AIM2: variants seen among roughly 807,000 people sequenced by gnomAD.
AIM2 encodes the protein absent in melanoma 2.
Under a neutral mutation model 27.7 loss-of-function variants are expected in AIM2, and 30 were observed. The observed-to-expected ratio is 1.08, with a 90% CI of 0.81 to 1.47. The LOEUF is 1.47. Ranked by LOEUF, AIM2 falls within the 40% of genes most tolerant of loss-of-function variation. The pLI is 0.00. For missense variants in AIM2, 358 were observed against 411.3 expected (o/e 0.87, Z 1.12); for synonymous variants, 141 against 145.3 (o/e 0.97, Z 0.21).
intron 1 of AIM2, among the ~76,000 whole-genome samples, chr1:159,099,363 C>A (rs1265948812): frequency 6.6e-6 from 1 of 152,154 alleles, no homozygotes; most frequent in African/African-American, 2.4e-5. Flanking sequence ...CAGGGAGCGG[C>A]CATAGAACTG....
At chr1:159,136,147 A>G (rs1467946862) in intron 1 of AIM2, among the ~76,000 whole-genome samples, 1 of 152,178 alleles carries the variant, frequency 6.6e-6, no homozygotes, top group African/African-American at 2.4e-5. Context: ...ACTATTTAAA[A>G]TACATTATGC....
chr1:159,129,072 A>T (rs1240029461), intron 1 of AIM2, among the ~76,000 whole-genome samples: 1 of 152,186 alleles, frequency 6.6e-6, no homozygotes, highest in Non-Finnish European at 1.5e-5. Context: ...TAATGTAAGG[A>T]TCTTGAGATG....
chr1:159,132,821 T>C (rs970781723), intron 1 of AIM2, among the ~76,000 whole-genome samples: 1 of 152,208 alleles, frequency 6.6e-6, no homozygotes, highest in Non-Finnish European at 1.5e-5. Flanking sequence ...GCCTAGTAAA[T>C]ATTCTGCATT....
At chr1:159,092,103 C>G (rs1388365494) in intron 1 of AIM2, among the ~76,000 whole-genome samples, 1 of 152,158 alleles carries the variant, frequency 6.6e-6, no homozygotes, top group African/African-American at 2.4e-5. Flanking sequence ...TATAACCTAA[C>G]AATTCTAATT....
chr1:159,114,315 G>C (rs900765903), intron 1 of AIM2, among the ~76,000 whole-genome samples: 5 of 152,236 alleles, frequency 3.3e-5, no homozygotes. Context: ...GAGCCTGGGA[G>C]AAGGCAGCAG....
intron 1 of AIM2, among the ~76,000 whole-genome samples, chr1:159,082,713 GC>G (rs1397662477): frequency 6.6e-6 from 1 of 152,068 alleles, no homozygotes; most frequent in Non-Finnish European, 1.5e-5. Flanking sequence ...AGATCTAATC[GC>G]CTCCCCAAAG....
upstream of AIM2, among the ~76,000 whole-genome samples, chr1:159,079,643 A>G (rs1217353306): frequency 6.6e-6 from 1 of 152,130 alleles, no homozygotes; most frequent in Non-Finnish European, 1.5e-5. Flanking sequence ...TCACACATGC[A>G]CAGCCTCCCC....
chr1:159,114,884 C>A (rs887864427), intron 1 of AIM2, among the ~76,000 whole-genome samples: 19 of 152,004 alleles, frequency 1.2e-4, no homozygotes, highest in African/African-American at 7.3e-5. Flanking sequence ...GAAAAGAGGA[C>A]GTCAAATTGT....
chr1:159,073,300 C>T lies in AIM2; in HGVS notation c.200G>A (p.Arg67His), dbSNP rs749813174. 95 of 1,614,052 alleles carry T rather than the reference C, an allele frequency of 5.9e-5. No individual in the cohort carries two copies. Among genetic ancestry groups the T allele is most frequent in the Non-Finnish European group, 8.0e-5 (94 of 1,180,040 alleles). ...GAVSAVMKTI[R>H]IFQKLNYMLL... ...CATATAATTCAACTTCTGAAAAATA[C>T]GAATGGTCTTCATCACTGCAGACAC... The change falls in exon 2 of 6, where the codon CGT (arginine) becomes CAT (histidine). Residue 67 changes from arginine (R) to histidine (H), a missense_variant. Coordinates refer to ENST00000368130, the MANE Select transcript of AIM2 (RefSeq NM_004833.3).
intron 2 of AIM2, among the ~76,000 whole-genome samples, chr1:159,072,507 T>A (rs1656404055): frequency 6.6e-6 from 1 of 152,224 alleles, no homozygotes; most frequent in Non-Finnish European, 1.5e-5. Flanking sequence ...CTCCTTTTTG[T>A]TCTTCAGACA....
chr1:159,067,565 A>C (rs1370299610), intron 3 of AIM2, among the ~76,000 whole-genome samples: 2 of 152,210 alleles, frequency 1.3e-5, no homozygotes, highest in African/African-American at 2.4e-5. Flanking sequence ...AGCTCCACTG[A>C]GGTCCACTAC....
Position 159,062,601 on chromosome 1 carries a change from A to G in AIM2, c.*91T>C. ...AGCCTGTGAACTGCAGCTTTCAGGTAACTTACAATCTGATTGAAGAGGCTG... is the reference window on the plus strand; with the variant it reads ...AGCCTGTGAACTGCAGCTTTCAGGTGACTTACAATCTGATTGAAGAGGCTG... On this transcript the variant is annotated 3_prime_UTR_variant, in exon 6 of 6. Coordinates refer to ENST00000368130, the MANE Select transcript of AIM2 (RefSeq NM_004833.3). 4 of 1,257,776 alleles carry G rather than the reference A, an allele frequency of 3.2e-6. No homozygotes were observed. The South Asian group carries it at 5.1e-5, about 16-fold the overall frequency. The allele number at this position is 1,257,776 out of a possible 1,614,324, so 77.9% of individuals were successfully genotyped here. A position where few individuals can be genotyped will look rare whatever the true frequency, so the allele number is the denominator to read the frequency against.
intron 1 of AIM2, among the ~76,000 whole-genome samples, chr1:159,075,543 A>ACG (rs1656566159): frequency 1.5e-5 from 2 of 134,360 alleles, no homozygotes; most frequent in South Asian, 2.4e-4. Context: ...ATACACACAC[A>ACG]CACACACACA....
chr1:159,117,645 A>G (rs1647412148), intron 1 of AIM2, among the ~76,000 whole-genome samples: 1 of 152,146 alleles, frequency 6.6e-6, no homozygotes, highest in South Asian at 2.1e-4. Flanking sequence ...AGAGCTTTTA[A>G]AATAAAATGG....
Position 159,091,308 on chromosome 1 carries a change from T to G in AIM2, c.-15-24979A>C, listed in dbSNP as rs77527023. On this transcript the variant is annotated intron_variant, in intron 1 of 2. Transcript: ENST00000368129. Reference sequence around the variant, plus strand: ...CTTGTGTCCAATCCTATTAATACCTTAAAGCCATGTGTGGCATTACAACCA... The same window carrying G: ...CTTGTGTCCAATCCTATTAATACCTGAAAGCCATGTGTGGCATTACAACCA... 5.4e-4 allele frequency among the ~76,000 whole-genome samples: 83 copies of G among 152,324 alleles called. No individual in the cohort carries two copies. The East Asian group carries it at 9.8e-3, about 18-fold the overall frequency.
At chr1:159,138,408 G>A (rs1354312162) in intron 1 of AIM2, among the ~76,000 whole-genome samples, 1 of 152,134 alleles carries the variant, frequency 6.6e-6, no homozygotes, top group African/African-American at 2.4e-5. Context: ...CCTCCTCTGA[G>A]AGGTCTTCCA....
chr1:159,141,810 G>A (rs1399005353), upstream of AIM2, among the ~76,000 whole-genome samples: 5 of 152,064 alleles, frequency 3.3e-5, no homozygotes, highest in East Asian at 7.7e-4. Context: ...AATCTGGAGT[G>A]GAGATCCACC....
chr1:159,084,808 CACACACAT>C (rs1428771221), intron 1 of AIM2, among the ~76,000 whole-genome samples: 1 of 148,562 alleles, frequency 6.7e-6, no homozygotes, highest in Non-Finnish European at 1.5e-5. Context: ...CACACACACA[CACACACAT>C]ACAGACACAC....
At chr1:159,126,423 G>A (rs1428903132) in intron 1 of AIM2, among the ~76,000 whole-genome samples, 3 of 152,084 alleles carry the variant, frequency 2.0e-5, no homozygotes, top group South Asian at 2.1e-4. Context: ...TGAGGGGGGC[G>A]GATCACGAGG....
Sources: gnomAD v4.1 joint callset for allele counts (sites outside exome capture counted in the v4.1 genomes callset) on GRCh38, gnomAD v4.1.1 for gene constraint, MANE v1.5 for transcripts, NCBI Gene and HGNC (gene_info 2026-07-23, HGNC 2026-07-21) for gene names.